Variants in FOXP1 observed in about 807,000 individuals in gnomAD.
FOXP1 encodes forkhead box P1.
Under a neutral mutation model 98.2 loss-of-function variants are expected in FOXP1, and 15 were observed. The observed-to-expected ratio is 0.15, with a 90% CI of 0.10 to 0.24. The LOEUF is 0.24. Ranked by LOEUF, FOXP1 falls within the 10% of genes least tolerant of loss-of-function variation. The pLI is 1.00. For synonymous variants in FOXP1, 371 were observed against 314.5 expected, an observed-to-expected ratio of 1.18 and a Z score of -1.90; for missense variants, 633 against 848.5, an observed-to-expected ratio of 0.75 and a Z score of 3.15.
intron 13 of FOXP1, among the ~76,000 whole-genome samples, chr3:70,998,564 C>T (rs1311249618): frequency 1.3e-5 from 2 of 152,136 alleles, no homozygotes; most frequent in Admixed American, 6.5e-5. Context: ...AACTCCCCGA[C>T]AAAAACATTA....
At chr3:71,443,264 T>G (rs1014378369) in intron 3 of FOXP1, among the ~76,000 whole-genome samples, 3 of 152,280 alleles carry the variant, frequency 2.0e-5, no homozygotes, top group African/African-American at 7.2e-5. Flanking sequence ...TTTTGATACA[T>G]GTATATTTGG....
At chr3:71,345,156 AAGGC>A (rs570793607) in intron 4 of FOXP1, among the ~76,000 whole-genome samples, 48 of 152,178 alleles carry the variant, frequency 3.2e-4, no homozygotes, top group Admixed American at 2.0e-3. Flanking sequence ...TTGGGAGGCC[AAGGC>A]AGGCAGATCT....
intron 2 of FOXP1, among the ~76,000 whole-genome samples, chr3:71,556,470 G>A (rs747979832): frequency 6.6e-5 from 10 of 151,606 alleles, no homozygotes; most frequent in Non-Finnish European, 8.8e-5. Context: ...CCAGCTACTC[G>A]GGAGGCTGAG....
intron 3 of FOXP1, among the ~76,000 whole-genome samples, chr3:71,395,820 T>C (rs2081337650): frequency 6.6e-6 from 1 of 151,120 alleles, no homozygotes; most frequent in South Asian, 2.1e-4. Flanking sequence ...CTCTTTATAA[T>C]GTAGAGTCCT....
chr3:71,143,262 C>T (rs879507805), intron 6 of FOXP1, among the ~76,000 whole-genome samples: 2 of 152,180 alleles, frequency 1.3e-5, no homozygotes, highest in Admixed American at 6.5e-5. Flanking sequence ...GACACAAATA[C>T]GGAATTGTCC....
intron 2 of FOXP1, among the ~76,000 whole-genome samples, chr3:71,561,887 T>C (rs1038787882): frequency 6.6e-6 from 1 of 152,078 alleles, no homozygotes; most frequent in Admixed American, 6.6e-5. Flanking sequence ...TTGGGGGATA[T>C]GGAAAGAAAG....
intron 3 of FOXP1, among the ~76,000 whole-genome samples, chr3:71,391,733 C>A (rs1170602559): frequency 6.6e-6 from 1 of 152,188 alleles, no homozygotes; most frequent in Admixed American, 6.5e-5. Context: ...CTTGTTGGCA[C>A]AGTTGTTTTG....
intron 2 of FOXP1, among the ~76,000 whole-genome samples, chr3:71,577,896 CA>C: frequency 6.7e-6 from 1 of 149,548 alleles, no homozygotes; most frequent in Non-Finnish European, 1.5e-5. Context: ...CTTTAGAAAA[CA>C]AACCCCTACC....
At chr3:71,178,288 C>T (rs1451369225) in intron 6 of FOXP1, among the ~76,000 whole-genome samples, 1 of 152,120 alleles carries the variant, frequency 6.6e-6, no homozygotes, top group African/African-American at 2.4e-5. Flanking sequence ...GCACGTACCA[C>T]CACACCTGGC....
intron 6 of FOXP1, among the ~76,000 whole-genome samples, chr3:71,169,644 T>C (rs1281282499): frequency 2.0e-5 from 3 of 151,892 alleles, no homozygotes; most frequent in Non-Finnish European, 4.4e-5. Context: ...TCTTATAGTT[T>C]ATCCTGATGC....
intron 3 of FOXP1, among the ~76,000 whole-genome samples, chr3:71,436,843 G>A (rs1014273287): frequency 6.6e-6 from 1 of 152,152 alleles, no homozygotes; most frequent in Non-Finnish European, 1.5e-5. Context: ...TAATTTTGGC[G>A]TAACTTTGAC....
chr3:71,374,320 G>A lies in FOXP1; in HGVS notation c.-167-15076C>T, dbSNP rs1201001431. On this transcript the variant is annotated intron_variant, in intron 3 of 20. Coordinates refer to ENST00000649528, the MANE Select transcript of FOXP1 (RefSeq NM_001349338.3). ...TATAAAACCTACATCTGGGCCATGC[G>A]TGGTGGCTCATGCCTGTAATCCCAG... Among the ~76,000 whole-genome samples the A allele has an allele frequency of 7.2e-5, 11 of 152,238 alleles. No individual in the cohort carries two copies. The East Asian group carries it at 7.7e-4, about 11-fold the overall frequency.
At position 71,194,409 on chromosome 3, in the gene FOXP1, G is replaced by A. The variant is rs147574079; in HGVS notation, c.180+3793C>T. The stretch of plus-strand genomic sequence containing the variant: ...ATGCATTCTGTTAATTGACCTGACA[G>A]CATATGCTGTATATGGAGAAACTTC... On this transcript the variant is annotated intron_variant, in intron 6 of 20. Transcript: ENST00000649528. 2.6e-3 allele frequency among the ~76,000 whole-genome samples: 396 copies of A among 152,202 alleles called. 2 individuals carry two copies. The highest frequency in any genetic ancestry group is 6.8e-3 in the Middle Eastern group (2 of 294).
chr3:71,441,578 G>A (rs879221142), intron 3 of FOXP1, among the ~76,000 whole-genome samples: 2 of 152,196 alleles, frequency 1.3e-5, no homozygotes, highest in Admixed American at 6.5e-5. Flanking sequence ...TGCCCCCGGC[G>A]TCACTAACAG....
At chr3:71,511,798 AC>A (rs1282071113) in intron 2 of FOXP1, among the ~76,000 whole-genome samples, 3 of 152,236 alleles carry the variant, frequency 2.0e-5, no homozygotes, top group Admixed American at 6.5e-5. Context: ...TAAAAGAGAA[AC>A]TTGAATGGAT....
At chr3:71,104,264 A>G (rs2057239337) in intron 7 of FOXP1, among the ~76,000 whole-genome samples, 1 of 152,168 alleles carries the variant, frequency 6.6e-6, no homozygotes. Context: ...AACTTAAGGA[A>G]ACTCGAGCCA....
chr3:71,274,478 G>C (rs2070701062), intron 5 of FOXP1, among the ~76,000 whole-genome samples: 1 of 152,114 alleles, frequency 6.6e-6, no homozygotes, highest in Non-Finnish European at 1.5e-5. Flanking sequence ...ATTAGAAATG[G>C]GGTAAATTCA....
At position 71,150,871 on chromosome 3, in the gene FOXP1, C is replaced by T. The variant is rs193163566; in HGVS notation, c.181-38234G>A. Among the ~76,000 whole-genome samples, 65 of 152,104 alleles carry T rather than the reference C, an allele frequency of 4.3e-4. 1 individual carries two copies. The highest frequency in any genetic ancestry group is 4.1e-3 in the Admixed American group (62 of 15,278). On this transcript the variant is annotated intron_variant, in intron 6 of 20. Transcript: ENST00000649528. ...GTTACGGTCTCTTTTTTCCTCTTTT[C>T]GTATTCCCCAGGATACTGGCCCTGT...
intron 2 of FOXP1, among the ~76,000 whole-genome samples, chr3:71,565,083 A>T (rs1368141321): frequency 3.3e-5 from 5 of 152,252 alleles, no homozygotes; most frequent in African/African-American, 7.2e-5. Flanking sequence ...TGGGCGACAG[A>T]GCAAGACTTT....
Sources: gnomAD v4.1 joint callset for allele counts (sites outside exome capture counted in the v4.1 genomes callset) on GRCh38, gnomAD v4.1.1 for gene constraint, MANE v1.5 for transcripts, NCBI Gene and HGNC (gene_info 2026-07-23, HGNC 2026-07-21) for gene names.